The following GPD2 variants were observed in gnomAD, a reference collection of about 807,000 sequenced individuals.
GPD2 encodes the protein glycerol-3-phosphate dehydrogenase, mitochondrial.
Under a neutral mutation model 82.4 loss-of-function variants are expected in GPD2, and 54 were observed. That is an observed-to-expected ratio of 0.66 (90% confidence interval 0.53 to 0.82). The LOEUF (loss-of-function observed/expected upper bound fraction) is 0.82. Ranked by LOEUF, GPD2 falls within the 40% of genes least tolerant of loss-of-function variation. The pLI, the probability that GPD2 is intolerant of heterozygous loss-of-function variation, is 0.00. For synonymous variants in GPD2, 288 were observed against 306.1 expected, an observed-to-expected ratio of 0.94 and a Z score of 0.62; for missense variants, 748 against 896.2, an observed-to-expected ratio of 0.83 and a Z score of 2.11.
At chr2:156,569,078 C>A in intron 10 of GPD2, 119 bp downstream of exon 10, 1 of 838,246 alleles carries the variant, frequency 1.2e-6, no homozygotes, top group Non-Finnish European at 1.9e-6. Context: ...ATTCTCCCAC[C>A]TCAGCCTCCC....
At chr2:156,454,909 G>A (rs931890475) in intron 1 of GPD2, among the ~76,000 whole-genome samples, 3 of 152,134 alleles carry the variant, frequency 2.0e-5, no homozygotes, top group Non-Finnish European at 2.9e-5. Context: ...TCCTGAAGAC[G>A]TAGTGGCCAG....
At chr2:156,401,124 G>GA in the GPD2 span, among the ~76,000 whole-genome samples, 28 of 152,248 alleles carry the variant, frequency 1.8e-4, no homozygotes, top group South Asian at 5.4e-3. Context: ...GATACCCACA[G>GA]AAAAAAACTA....
rs565880338 is a variant in GPD2, at chr2:156,455,216, C to T, written c.-9+18703C>T. On this transcript the variant is annotated intron_variant, in intron 1 of 16. Transcript: ENST00000438166. Reference sequence around the variant, plus strand: ...TGCCCTGAATCCAGTCTTCTGATTTCCTTACTCCCAGATTCATGTTCTTTT... The same window carrying T: ...TGCCCTGAATCCAGTCTTCTGATTTTCTTACTCCCAGATTCATGTTCTTTT... 3.3e-3 allele frequency among the ~76,000 whole-genome samples: 508 copies of T among 152,272 alleles called. 10 individuals carry two copies. The highest frequency in any genetic ancestry group is 0.012 in the African/African-American group (489 of 41,544).
intron 1 of GPD2, among the ~76,000 whole-genome samples, chr2:156,474,426 TAATA>T (rs1683434207): frequency 6.6e-6 from 1 of 152,220 alleles, no homozygotes; most frequent in African/African-American, 2.4e-5. Context: ...ACTACCTTCA[TAATA>T]AATTGTTTTC....
chr2:156,452,239 G>T (rs1477444634), intron 1 of GPD2, among the ~76,000 whole-genome samples: 2 of 152,208 alleles, frequency 1.3e-5, no homozygotes, highest in Admixed American at 1.3e-4. Flanking sequence ...CCGAGATCAC[G>T]CCACCTCACT....
the GPD2 span, among the ~76,000 whole-genome samples, chr2:156,426,776 G>C: frequency 6.6e-6 from 1 of 151,948 alleles, no homozygotes; most frequent in Non-Finnish European, 1.5e-5. Flanking sequence ...CTAGGGAATG[G>C]TTTTTTTCTT....
intron 1 of GPD2, among the ~76,000 whole-genome samples, chr2:156,438,826 T>A (rs1184705987): frequency 6.6e-6 from 1 of 152,200 alleles, no homozygotes; most frequent in East Asian, 1.9e-4. Flanking sequence ...TTTGAGAAGC[T>A]TACAGTTGTT....
At chr2:156,535,484 G>A (rs1052678281) in intron 6 of GPD2, among the ~76,000 whole-genome samples, 31 of 149,244 alleles carry the variant, frequency 2.1e-4, no homozygotes, top group Non-Finnish European at 3.7e-4. Flanking sequence ...GGAAAGAGAA[G>A]GCATATTACA....
intron 8 of GPD2, among the ~76,000 whole-genome samples, chr2:156,556,956 T>G (rs1047327678): frequency 6.6e-6 from 1 of 152,234 alleles, no homozygotes; most frequent in Admixed American, 6.5e-5. Context: ...AAATGTCAAA[T>G]GTCTCAGGAA....
rs186942354 is a variant in GPD2 at position 156,563,146 on chromosome 2, G to A, written c.1165+5564G>A. Reference sequence around the variant, plus strand: ...AGCATATTATCTCAGAGGCCCAAGCGTTCTTGCTTTGGTTTTGGTAATACC... The same window carrying A: ...AGCATATTATCTCAGAGGCCCAAGCATTCTTGCTTTGGTTTTGGTAATACC... On this transcript the variant is annotated intron_variant, in intron 9 of 16. Coordinates refer to ENST00000438166, the MANE Select transcript of GPD2 (RefSeq NM_000408.5). 3.3e-5 allele frequency among the ~76,000 whole-genome samples: 5 copies of A among 152,166 alleles called. No individual in the cohort carries two copies. The East Asian group carries it at 7.7e-4, about 23-fold the overall frequency.
chr2:156,412,527 G>A, the GPD2 span, among the ~76,000 whole-genome samples: 1 of 152,046 alleles, frequency 6.6e-6, no homozygotes, highest in African/African-American at 2.4e-5. Context: ...TTTGATGGGG[G>A]CATTTAGCCC....
Position 156,583,088 on chromosome 2 carries a change from C to T in GPD2, c.*170C>T. 2.8e-6 allele frequency: 2 copies of T among 711,140 alleles called. No individual in the cohort carries two copies. The highest frequency in any genetic ancestry group is 4.9e-6 in the Non-Finnish European group (2 of 407,136). The allele number at this position is 711,140 out of a possible 1,614,324, so 44.1% of individuals were successfully genotyped here. On this transcript the variant is annotated 3_prime_UTR_variant, in exon 17 of 17. Transcript: ENST00000438166. ...TTGGTGTATTTGCCAGCTTTATTTGCTGTACTTTATTTGTATTTGCCATTC... is the reference window on the plus strand; with the variant it reads ...TTGGTGTATTTGCCAGCTTTATTTGTTGTACTTTATTTGTATTTGCCATTC...
the GPD2 span, among the ~76,000 whole-genome samples, chr2:156,417,442 A>T: frequency 6.6e-6 from 1 of 152,146 alleles, no homozygotes; most frequent in Non-Finnish European, 1.5e-5. Context: ...ATAGGCAATG[A>T]TTTCTTATTT....
chr2:156,513,206 T>C, intron 5 of GPD2, 127 bp from the exon 6 acceptor site: 1 of 777,552 alleles, frequency 1.3e-6, no homozygotes, highest in Non-Finnish European at 2.3e-6. Flanking sequence ...CATAAGTCTG[T>C]TTCTTTTGCA....
At position 156,557,579 on chromosome 2, in the gene GPD2, GAAGGTAACTAAGCATTC is replaced by G. The variant is rs2105346159; in HGVS notation, c.1163_1165+14del. The stretch of plus-strand genomic sequence containing the variant: ...GCGTAATTACCTGAGTTGTGATGTT[GAAGGTAACTAAGCATTC>G]CTTTAAGTTTGTCTCTCTGTGTCCA... On this transcript the variant is annotated splice_donor_variant and splice_donor_5th_base_variant and coding_sequence_variant and intron_variant, in exon 9 of 17. Transcript: ENST00000438166. LOFTEE classifies it high-confidence loss of function. 6 of 1,540,468 alleles carry G rather than the reference GAAGGTAACTAAGCATTC, an allele frequency of 3.9e-6. No homozygotes were observed. Among genetic ancestry groups the G allele is most frequent in the Middle Eastern group, 1.7e-4 (1 of 5,914 alleles).
the GPD2 span, among the ~76,000 whole-genome samples, chr2:156,406,164 ACTGGCTGGGAATT>A: frequency 2.0e-5 from 3 of 151,564 alleles, no homozygotes; most frequent in African/African-American, 7.3e-5. Context: ...ATTGCCCTTT[ACTGGCTGGGAATT>A]AAATCATTAC....
At chr2:156,554,489 C>T (rs1384510867) in intron 8 of GPD2, among the ~76,000 whole-genome samples, 2 of 152,156 alleles carry the variant, frequency 1.3e-5, no homozygotes, top group Admixed American at 6.6e-5. Context: ...ATCTTTACAG[C>T]ATTTGTTAAT....
At chr2:156,533,186 A>G (rs893648568) in intron 6 of GPD2, among the ~76,000 whole-genome samples, 1 of 152,234 alleles carries the variant, frequency 6.6e-6, no homozygotes, top group African/African-American at 2.4e-5. Context: ...TGAAACAGGT[A>G]TCCTTCAGAA....
At chr2:156,452,120 G>C (rs1247450001) in intron 1 of GPD2, among the ~76,000 whole-genome samples, 1 of 152,100 alleles carries the variant, frequency 6.6e-6, no homozygotes, top group African/African-American at 2.4e-5. Context: ...TGGGTGGCCA[G>C]GCAGAGACGC....
Sources: gnomAD v4.1 joint callset for allele counts (sites outside exome capture counted in the v4.1 genomes callset) on GRCh38, gnomAD v4.1.1 for gene constraint, MANE v1.5 for transcripts, NCBI Gene and HGNC (gene_info 2026-07-23, HGNC 2026-07-21) for gene names.